The following MYOM3 variants were observed in gnomAD, a reference collection of about 807,000 sequenced individuals.
MYOM3 encodes the protein myomesin 3, also known as myomesin-3.
A neutral mutation model predicts 191.7 loss-of-function variants in MYOM3; 155 were observed. The observed-to-expected ratio is 0.81, with a 90% confidence interval of 0.71 to 0.92. The LOEUF is 0.92. Ranked by LOEUF, MYOM3 falls within the 40% of genes least tolerant of loss-of-function variation. The pLI, the probability that MYOM3 is intolerant of heterozygous loss-of-function variation, is 0.00. For missense variants in MYOM3, 1,889 were observed against 1,890.6 expected, an observed-to-expected ratio of 1.00 and a Z score of 0.02; for synonymous variants, 757 against 762.9, an observed-to-expected ratio of 0.99 and a Z score of 0.13.
intron 34 of MYOM3, 78 bp downstream of exon 34, chr1:24,061,195 G>A (rs1205643212): frequency 1.9e-5 from 31 of 1,605,288 alleles, no homozygotes; most frequent in Non-Finnish European, 2.6e-5. Context: ...GGGCTCCCAG[G>A]AAGGAGTCCT....
In MYOM3 at chr1:24,074,252, T is replaced by C; in HGVS notation, c.2876A>G (p.Lys959Arg). 6.2e-7 allele frequency: 1 copy of C among 1,614,032 alleles called. No individual in the cohort carries two copies. Among genetic ancestry groups the C allele is most frequent in the Non-Finnish European group, 8.5e-7 (1 of 1,179,924 alleles). Residue 959 changes from lysine to arginine, a missense_variant, in exon 23 of 37, where the codon AAA (lysine) becomes AGA (arginine). Coordinates refer to ENST00000374434, the MANE Select transcript of MYOM3 (RefSeq NM_152372.4). ...GCCCAAATCCTCGAGGCCGGGTTCT[T>C]TCAGGATGACCTTGGACCTGGCAGA... ...DKVNKSKVILKEPGLEDLGTY... is the reference protein window; with the variant it reads ...DKVNKSKVILREPGLEDLGTY...
chr1:24,067,802 G>A (rs942148603), intron 27 of MYOM3, among the ~76,000 whole-genome samples, 168 bp downstream of exon 27: 4 of 152,176 alleles, frequency 2.6e-5, no homozygotes, highest in Non-Finnish European at 5.9e-5. Flanking sequence ...CTCACCCTCA[G>A]GTCAGGCAAG....
chr1:24,086,568 G>C lies in MYOM3; in HGVS notation c.1798+76C>G, dbSNP rs1000514799. On this transcript the variant is annotated intron_variant, in intron 15 of 36. Coordinates refer to ENST00000374434, the MANE Select transcript of MYOM3 (RefSeq NM_152372.4). ...GAGCGGGGACAGGGAAGTGGGCAGG[G>C]CTTTGTCCCTGCAGCTTCAGGTCCT... 5.5e-6 allele frequency: 8 copies of C among 1,464,916 alleles called. No individual in the cohort carries two copies. In the African/African-American group the frequency reaches 1.1e-4, roughly 20 times the overall value. The allele number at this position is 1,464,916 out of a possible 1,614,324, so 90.7% of individuals were successfully genotyped here.
intron 2 of MYOM3, 143 bp downstream of exon 2, chr1:24,108,333 C>T (rs538193745): frequency 2.1e-6 from 2 of 953,504 alleles, no homozygotes; most frequent in African/African-American, 3.4e-5. Context: ...TGTGTCTCCC[C>T]CCTCAGACAG....
At position 24,063,950 on chromosome 1, in the gene MYOM3, T is replaced by A; in HGVS notation, c.3622+122A>T. On this transcript the variant is annotated intron_variant, in intron 30 of 36. Coordinates refer to ENST00000374434, the MANE Select transcript of MYOM3 (RefSeq NM_152372.4). The surrounding 1 kb of genome is among the most constrained non-coding windows in gnomAD (Gnocchi z 4.5). ...GTGGAATCTTGGGCAAGTTACTTAA[T>A]CTCTTTGTGCCTCAATTTCTCCAAG... The A allele has an allele frequency of 1.3e-6, 1 of 789,830 alleles. No homozygotes were observed. Among genetic ancestry groups the A allele is most frequent in the South Asian group, 1.7e-5 (1 of 58,496 alleles). 48.9% of individuals were successfully genotyped at this position (789,830 alleles called of 1,614,324 possible).
At chr1:24,093,399 G>A (rs950653424) in intron 9 of MYOM3, among the ~76,000 whole-genome samples, 2 of 152,182 alleles carry the variant, frequency 1.3e-5, no homozygotes, top group South Asian at 4.1e-4. Context: ...GGAGTTGTAG[G>A]TTCTCTGAGG....
At position 24,108,590 on chromosome 1, in the gene MYOM3, G is replaced by C. The variant is rs754981853; in HGVS notation, c.47C>G (p.Pro16Arg). Residue 16 changes from proline to arginine, a missense_variant, in exon 2 of 37, where the codon CCC becomes CGC. Pro to Arg is a moderately radical substitution (Grantham distance 103). Transcript: ENST00000374434. ...CAGCCTGTGAACCTCCATGGCCTGG[G>C]GGGGCCGGGGGTCCCCCGCACCTCC... ...SLGGAGDPRP[P>R]QAMEVHRLEH... is the part of the protein sequence containing the mutation. 32 of 1,568,520 alleles carry C rather than the reference G, an allele frequency of 2.0e-5. No individual in the cohort carries two copies. In the Admixed American group the frequency reaches 2.5e-4, roughly 12 times the overall value.
chr1:24,094,831 G>A (rs765985583), intron 9 of MYOM3, 22 bp downstream of exon 9: 33 of 1,600,806 alleles, frequency 2.1e-5, no homozygotes, highest in Non-Finnish European at 2.8e-5. Context: ...GGAGGCTGGG[G>A]GCCAGGACTG....
At chr1:24,062,842 A>G (rs890151237) in intron 32 of MYOM3, among the ~76,000 whole-genome samples, 8 of 152,172 alleles carry the variant, frequency 5.3e-5, no homozygotes, top group Non-Finnish European at 1.2e-4. Flanking sequence ...CTGTGGCCAT[A>G]GAGTTTCCAG....
chr1:24,084,894 T>G (rs921048563), intron 15 of MYOM3, among the ~76,000 whole-genome samples: 4 of 152,142 alleles, frequency 2.6e-5, no homozygotes, highest in African/African-American at 9.7e-5. Flanking sequence ...CATTCATCCT[T>G]ACACACACAC....
intron 5 of MYOM3, among the ~76,000 whole-genome samples, chr1:24,100,111 C>T (rs1222021694): frequency 6.6e-6 from 1 of 152,006 alleles, no homozygotes; most frequent in Non-Finnish European, 1.5e-5. Context: ...TCAGGTGATC[C>T]GCCCGCCTCA....
chr1:24,073,489 A>G lies in MYOM3; in HGVS notation c.2968+671T>C, dbSNP rs190280345. ...TTTCTCAGACCAACTGCTGCTTGCA[A>G]TTTATCATCACACTTGCACTGTTGT... On this transcript the variant is annotated intron_variant, in intron 23 of 36. Coordinates refer to ENST00000374434, the MANE Select transcript of MYOM3 (RefSeq NM_152372.4). 5.5e-4 allele frequency among the ~76,000 whole-genome samples: 83 copies of G among 152,234 alleles called. 1 individual carries two copies. The highest frequency in any genetic ancestry group is 1.2e-3 in the Admixed American group (18 of 15,286).
intron 25 of MYOM3, among the ~76,000 whole-genome samples, chr1:24,069,556 C>T (rs1162619605): frequency 6.6e-6 from 1 of 151,674 alleles, no homozygotes. Flanking sequence ...GTCATTGGAC[C>T]TTTGATATAT....
chr1:24,108,767 C>T (rs1644016916), intron 1 of MYOM3, 113 bp from the exon 2 acceptor site: 2 of 714,262 alleles, frequency 2.8e-6, no homozygotes, highest in Non-Finnish European at 4.4e-6. Flanking sequence ...GGTGTCCTCT[C>T]TGCAGTCGGC....
rs1480503590 is a variant in MYOM3 at position 24,108,593 on chromosome 1, G to C, written c.44C>G (p.Pro15Arg). The C allele has an allele frequency of 5.7e-6, 9 of 1,568,492 alleles. No homozygotes were observed. The East Asian group carries it at 1.4e-4, about 24-fold the overall frequency. Residue 15 changes from proline to arginine, a missense_variant, in exon 2 of 37, where the codon CCC becomes CGC. Coordinates refer to ENST00000374434, the MANE Select transcript of MYOM3 (RefSeq NM_152372.4). ...CCTGTGAACCTCCATGGCCTGGGGG[G>C]GCCGGGGGTCCCCCGCACCTCCCAA... ...HSLGGAGDPRPPQAMEVHRLE... is the reference protein window; with the variant it reads ...HSLGGAGDPRRPQAMEVHRLE...
At chr1:24,098,045 A>G in intron 6 of MYOM3, 34 bp from the exon 7 acceptor site, 1 of 1,378,502 alleles carries the variant, frequency 7.3e-7, no homozygotes, top group South Asian at 1.2e-5. Context: ...TCCTCCCAAG[A>G]CTGCTGGGCT....
Position 24,063,337 on chromosome 1 carries a change from G to A in MYOM3, c.3662-103C>T. ...CTGCCCTGGGGGGCAGGTGCTGTGG[G>A]GGAAATGCAGTGCTGTGAAGAGGCG... is the stretch of plus-strand genomic sequence containing the variant. On this transcript the variant is annotated intron_variant, in intron 31 of 36. Transcript: ENST00000374434. This position sits in a 1 kb window ranked among gnomAD's most constrained non-coding sequence, Gnocchi z 4.5. 1.5e-6 allele frequency: 2 copies of A among 1,364,538 alleles called. No homozygotes were observed. The highest frequency in any genetic ancestry group is 2.1e-6 in the Non-Finnish European group (2 of 956,254). 84.5% of individuals were successfully genotyped at this position (1,364,538 alleles called of 1,614,324 possible).
intron 23 of MYOM3, among the ~76,000 whole-genome samples, chr1:24,072,778 G>A (rs376515327): frequency 6.6e-6 from 1 of 152,016 alleles, no homozygotes; most frequent in Non-Finnish European, 1.5e-5. Context: ...CAGGTGATCC[G>A]CCCGCCTCAG....
intron 25 of MYOM3, among the ~76,000 whole-genome samples, chr1:24,068,755 G>T (rs373532077): frequency 2.1e-4 from 32 of 151,368 alleles, no homozygotes; most frequent in African/African-American, 7.8e-4. Flanking sequence ...GCAGAGTCTC[G>T]CTCCATCACC....
Sources: gnomAD v4.1 joint callset for allele counts (sites outside exome capture counted in the v4.1 genomes callset) on GRCh38, gnomAD v4.1.1 for gene constraint, Gnocchi (gnomAD v3.1) non-coding constraint, MANE v1.5 for transcripts, NCBI Gene and HGNC (gene_info 2026-07-23, HGNC 2026-07-21) for gene names.